OVOL1: variants seen among roughly 807,000 people sequenced by gnomAD.
OVOL1 encodes the protein putative transcription factor Ovo-like 1.
OVOL1 carries 10 observed loss-of-function variants against 21.5 expected under a neutral mutation model. That is an observed-to-expected ratio of 0.46 (90% CI 0.29 to 0.79). The LOEUF (loss-of-function observed/expected upper bound fraction) is 0.79. Ranked by LOEUF, OVOL1 falls within the 30% of genes least tolerant of loss-of-function variation. OVOL1 has a pLI of 0.10. For missense variants in OVOL1, 279 were observed against 362.3 expected, an observed-to-expected ratio of 0.77 and a Z score of 1.87; for synonymous variants, 129 against 150.3, an observed-to-expected ratio of 0.86 and a Z score of 1.03.
chr11:65,792,671 C>T (rs1354383382), intron 1 of OVOL1, among the ~76,000 whole-genome samples: 1 of 152,228 alleles, frequency 6.6e-6, no homozygotes, highest in Non-Finnish European at 1.5e-5. Flanking sequence ...CATTAAAGGC[C>T]CCCGGACAGA....
chr11:65,788,920 T>G, intron 1 of OVOL1: 1 of 986,590 alleles, frequency 1.0e-6, no homozygotes, highest in Non-Finnish European at 1.2e-6. Flanking sequence ...GTTCTCTACC[T>G]GGGGGTTGGT....
In OVOL1 at chr11:65,794,141, A is replaced by T; in HGVS notation, c.211A>T (p.Ser71Cys). ...CATGAGCCTTCGAGACTCTAGCTAC[A>T]GCATGGCCCCCGGGCCCTGTGTGGT... ...LNMSLRDSSY[S>C]MAPGPCVVAQ... is the part of the protein sequence containing the mutation. Residue 71 changes from serine to cysteine, a missense_variant, in exon 2 of 4, where the codon AGC (serine) becomes TGC (cysteine). Ser to Cys is a moderately radical substitution (Grantham distance 112). Transcript: ENST00000335987. 1.2e-6 allele frequency: 2 copies of T among 1,613,822 alleles called. No individual in the cohort carries two copies. The highest frequency in any genetic ancestry group is 2.2e-5 in the East Asian group (1 of 44,870).
rs150801598 is a variant in OVOL1 at position 65,792,687 on chromosome 11, G to A, written c.101-1344G>A. On this transcript the variant is annotated intron_variant, in intron 1 of 3. Coordinates refer to ENST00000335987, the MANE Select transcript of OVOL1 (RefSeq NM_004561.4). The stretch of plus-strand genomic sequence containing the variant: ...ATTAAAGGCCCCCGGACAGACGGAC[G>A]CCAGTGCCTGCAGGACGGGTTCTGG... Among the ~76,000 whole-genome samples the A allele has an allele frequency of 2.5e-3, 387 of 152,362 alleles. 3 individuals carry two copies. Among genetic ancestry groups the A allele is most frequent in the African/African-American group, 8.9e-3 (370 of 41,586 alleles).
At chr11:65,793,850 C>T (rs1018393974) in intron 1 of OVOL1, 181 bp from the exon 2 acceptor site, 2 of 604,012 alleles carry the variant, frequency 3.3e-6, no homozygotes, top group Non-Finnish European at 5.9e-6. Context: ...CTGCAATTAC[C>T]TTAATAGGGC....
intron 1 of OVOL1, chr11:65,793,715 A>AGG (rs1297290547): frequency 2.3e-6 from 1 of 435,840 alleles, no homozygotes; most frequent in Non-Finnish European, 4.2e-6. Context: ...CCTGGAATTC[A>AGG]GAGGGACCAG....
intron 1 of OVOL1, chr11:65,789,795 C>T (rs1857973735): frequency 1.4e-6 from 1 of 706,366 alleles, no homozygotes; most frequent in African/African-American, 1.9e-5. Flanking sequence ...CTCTGAGACC[C>T]TCAAAGCCTC....
At chr11:65,787,714 T>C (rs1268972785) in intron 1 of OVOL1, among the ~76,000 whole-genome samples, 1 of 151,394 alleles carries the variant, frequency 6.6e-6, no homozygotes, top group Non-Finnish European at 1.5e-5. Flanking sequence ...GGGGAGCCGC[T>C]CCCAGGGCCA....
rs1477014947 is a variant in OVOL1 at position 65,787,279 on chromosome 11, C to A, written c.-95C>A. 2.9e-6 allele frequency: 3 copies of A among 1,050,130 alleles called. No homozygotes were observed. Among genetic ancestry groups the A allele is most frequent in the Admixed American group, 2.1e-5 (1 of 47,820 alleles). The allele number at this position is 1,050,130 out of a possible 1,614,324, so 65.1% of individuals were successfully genotyped here. On this transcript the variant is annotated 5_prime_UTR_variant, in exon 1 of 4. Transcript: ENST00000335987. ...CTTAGCGACTCCTTCCCTGTTGTGC[C>A]CCCGTTCCCGGCGTTCAGCCCGGCC...
chr11:65,795,637 C>G lies in OVOL1; in HGVS notation c.*296C>G. 2.0e-6 allele frequency: 1 copy of G among 498,932 alleles called. No individual in the cohort carries two copies. The highest frequency in any genetic ancestry group is 2.4e-5 in the South Asian group (1 of 42,208). The allele number at this position is 498,932 out of a possible 1,614,324, so 30.9% of individuals were successfully genotyped here. A position where few individuals can be genotyped will look rare whatever the true frequency, so the allele number is the denominator to read the frequency against. On this transcript the variant is annotated 3_prime_UTR_variant, in exon 4 of 4. Coordinates refer to ENST00000335987, the MANE Select transcript of OVOL1 (RefSeq NM_004561.4). This position sits in a 1 kb window ranked among gnomAD's most constrained non-coding sequence, Gnocchi z 5.7. ...CTGCCTTCAATTAGAAGCAGCCGCC[C>G]ACAGAGACAGGCACTGTGTGCCTGG...
In OVOL1 at chr11:65,794,534, A is replaced by G. The variant is rs773875730; in HGVS notation, c.319-4A>G. The G allele has an allele frequency of 1.6e-5, 26 of 1,611,490 alleles. No homozygotes were observed. The South Asian group carries it at 1.9e-4, about 12-fold the overall frequency. On this transcript the variant is annotated splice_polypyrimidine_tract_variant and splice_region_variant and intron_variant, in intron 2 of 3. Transcript: ENST00000335987. ...TCTGTCAGCAATGCCGTCCTCACCC[A>G]CAGGTGACCCTTGGGGACAGTCCCA...
chr11:65,794,829 C>A, intron 3 of OVOL1, 102 bp downstream of exon 3: 1 of 1,245,998 alleles, frequency 8.0e-7, no homozygotes, highest in South Asian at 1.3e-5. Flanking sequence ...TGACGGGCAG[C>A]CTGGGAGGGC....
At position 65,794,122 on chromosome 11, in the gene OVOL1, C is replaced by T; in HGVS notation, c.192C>T (p.Ser64=). The T allele has an allele frequency of 6.2e-7, 1 of 1,613,950 alleles. No individual in the cohort carries two copies. The highest frequency in any genetic ancestry group is 8.5e-7 in the Non-Finnish European group (1 of 1,180,020). The change falls in exon 2 of 4, where the codon AGC becomes AGT. Residue 64 remains serine, a synonymous_variant. Coordinates refer to ENST00000335987, the MANE Select transcript of OVOL1 (RefSeq NM_004561.4). ...CCTGCCCGCTGGCTTTGAACATGAGCCTTCGAGACTCTAGCTACAGCATGG... is the reference window on the plus strand; with the variant it reads ...CCTGCCCGCTGGCTTTGAACATGAGTCTTCGAGACTCTAGCTACAGCATGG... The part of the protein sequence containing the change: ...PPSCPLALNM[S]LRDSSYSMAP...
chr11:65,787,427 C>A lies in OVOL1; in HGVS notation c.54C>A (p.Asn18Lys). The A allele has an allele frequency of 6.3e-7, 1 of 1,593,624 alleles. No individual in the cohort carries two copies. The highest frequency in any genetic ancestry group is 8.5e-7 in the Non-Finnish European group (1 of 1,170,186). The change falls in exon 1 of 4, where the codon AAC (asparagine) becomes AAA (lysine). Residue 18 changes from asparagine to lysine, a missense_variant. Asn to Lys is a moderately conservative substitution (Grantham distance 94, BLOSUM62 0). Coordinates refer to ENST00000335987, the MANE Select transcript of OVOL1 (RefSeq NM_004561.4). ...KKPCVSTCKR[N>K]WSELPDEERG... The stretch of plus-strand genomic sequence containing the variant: ...CGTGCGTCTCCACGTGCAAGAGGAA[C>A]TGGAGCGAGCTCCCCGACGAGGAGC...
chr11:65,793,717 A>G (rs1385906202), intron 1 of OVOL1: 1 of 439,184 alleles, frequency 2.3e-6, no homozygotes, highest in Non-Finnish European at 4.2e-6. Flanking sequence ...TGGAATTCAG[A>G]GGGACCAGCC....
rs763149601 is a variant in OVOL1, at chr11:65,794,712, G to A, written c.493G>A (p.Val165Ile). 18 of 1,613,322 alleles carry A rather than the reference G, an allele frequency of 1.1e-5. No homozygotes were observed. Among genetic ancestry groups the A allele is most frequent in the Admixed American group, 3.3e-5 (2 of 60,002 alleles). Reference protein sequence around the residue: ...FNDTFDLKRHVRTHTGVRPYK... With the variant: ...FNDTFDLKRHIRTHTGVRPYK... ...TGACACCTTCGACCTCAAGAGACAC[G>A]TCCGAACTCACACTGGTAAGTGGAA... The change falls in exon 3 of 4, where the codon GTC becomes ATC. Residue 165 changes from valine to isoleucine, a missense_variant. Physicochemically the swap from Val to Ile is conservative, Grantham distance 29. Transcript: ENST00000335987.
At chr11:65,794,323 C>A in intron 2 of OVOL1, 75 bp downstream of exon 2, 1 of 1,379,014 alleles carries the variant, frequency 7.3e-7, no homozygotes, top group Non-Finnish European at 1.0e-6. Flanking sequence ...AGACATGGCA[C>A]AAATGAGATG....
intron 1 of OVOL1, among the ~76,000 whole-genome samples, chr11:65,788,251 G>T (rs574974750): frequency 6.6e-6 from 1 of 152,352 alleles, no homozygotes; most frequent in East Asian, 1.9e-4. Flanking sequence ...GGTGTACCCA[G>T]TTATTTTTGG....
In OVOL1 at chr11:65,795,522, CT is replaced by C; in HGVS notation, c.*182del. On this transcript the variant is annotated 3_prime_UTR_variant, in exon 4 of 4. Transcript: ENST00000335987. This position sits in a 1 kb window ranked among gnomAD's most constrained non-coding sequence, Gnocchi z 5.7. ...GCTCACTCAGGCCCAGCAATGACCT[CT>C]GCTCATTTTTGCATTTTTGACTTAT... is the stretch of plus-strand genomic sequence containing the variant. 1 of 619,198 alleles carries C rather than the reference CT, an allele frequency of 1.6e-6. No homozygotes were observed. The highest frequency in any genetic ancestry group is 2.0e-5 in the South Asian group (1 of 51,000). 38.4% of individuals were successfully genotyped at this position (619,198 alleles called of 1,614,324 possible). A position where few individuals can be genotyped will look rare whatever the true frequency, so the allele number is the denominator to read the frequency against.
chr11:65,792,816 T>C (rs543038394), intron 1 of OVOL1, among the ~76,000 whole-genome samples: 26 of 152,338 alleles, frequency 1.7e-4, no homozygotes, highest in Non-Finnish European at 3.1e-4. Context: ...GCACCCTTGC[T>C]CCACAATCAC....
Sources: allele counts gnomAD v4.1 joint callset (sites outside exome capture counted in the v4.1 genomes callset), GRCh38; gene constraint gnomAD v4.1.1; non-coding constraint Gnocchi (gnomAD v3.1); transcripts MANE v1.5; gene names NCBI Gene and HGNC (gene_info 2026-07-23, HGNC 2026-07-21).